Variants in NKAIN3 observed in about 807,000 individuals in gnomAD.
NKAIN3 encodes the protein sodium/potassium transporting ATPase interacting 3, also known as sodium/potassium-transporting ATPase subunit beta-1-interacting protein 3.
A neutral mutation model predicts 30.2 loss-of-function variants in NKAIN3; 25 were observed. That is an observed-to-expected ratio of 0.83 (90% CI 0.60 to 1.16). The LOEUF is 1.16. Among genes scored for constraint, NKAIN3 ranks in the 50% most tolerant of loss-of-function variants. The pLI is 0.00. For missense variants in NKAIN3, 225 were observed against 254.1 expected (o/e 0.89, Z 0.78); for synonymous variants, 91 against 89.6 (o/e 1.02, Z -0.09).
chr8:62,946,285 A>G (rs1823124007), intron 5 of NKAIN3, among the ~76,000 whole-genome samples: 2 of 152,146 alleles, frequency 1.3e-5, no homozygotes, highest in Non-Finnish European at 2.9e-5. Context: ...GGCACTGTCA[A>G]GTCCACTGTG....
At chr8:62,462,091 G>C (rs1806017023) in intron 1 of NKAIN3, among the ~76,000 whole-genome samples, 1 of 152,124 alleles carries the variant, frequency 6.6e-6, no homozygotes, top group African/African-American at 2.4e-5. Context: ...AATAAAGATG[G>C]CTTCTCATGG....
chr8:62,772,463 A>G (rs1269688397), intron 4 of NKAIN3, among the ~76,000 whole-genome samples: 1 of 152,164 alleles, frequency 6.6e-6, no homozygotes, highest in African/African-American at 2.4e-5. Flanking sequence ...AAAAGTGTAT[A>G]AGGATTCCCT....
chr8:62,747,170 C>CT, intron 4 of NKAIN3, 41 bp downstream of exon 4: 1 of 1,355,070 alleles, frequency 7.4e-7, no homozygotes, highest in Non-Finnish European at 1.0e-6. Context: ...CAGAACTCTT[C>CT]TTTGCTGGCA....
At chr8:62,322,017 C>A (rs965314993) in intron 1 of NKAIN3, among the ~76,000 whole-genome samples, 4 of 152,188 alleles carry the variant, frequency 2.6e-5, no homozygotes, top group Non-Finnish European at 1.5e-5. Context: ...CCTACTCAAG[C>A]CTCGGCAATG....
intron 3 of NKAIN3, among the ~76,000 whole-genome samples, chr8:62,686,822 T>C (rs1368212452): frequency 6.6e-6 from 1 of 152,162 alleles, no homozygotes; most frequent in Non-Finnish European, 1.5e-5. Context: ...AAGAACATTA[T>C]AAATATATTA....
chr8:62,456,576 T>G (rs16928951), intron 1 of NKAIN3, among the ~76,000 whole-genome samples: 4,531 of 152,162 alleles, frequency 0.03, 260 homozygotes, highest in African/African-American at 0.1. Flanking sequence ...AGGGCCCTTT[T>G]CCTGATATGT....
intron 1 of NKAIN3, among the ~76,000 whole-genome samples, chr8:62,322,314 C>A (rs922308006): frequency 1.3e-5 from 2 of 152,126 alleles, no homozygotes; most frequent in Non-Finnish European, 2.9e-5. Flanking sequence ...GGCTCACGCT[C>A]GGTGCACTGT....
chr8:62,574,157 C>G (rs1810034130), intron 1 of NKAIN3, among the ~76,000 whole-genome samples: 1 of 152,144 alleles, frequency 6.6e-6, no homozygotes, highest in East Asian at 1.9e-4. Context: ...GCTTATTTCA[C>G]TTAACATAAT....
intron 1 of NKAIN3, among the ~76,000 whole-genome samples, chr8:62,323,826 A>T (rs1815022484): frequency 1.3e-5 from 2 of 152,262 alleles, no homozygotes; most frequent in Non-Finnish European, 2.9e-5. Flanking sequence ...CCTTAAGAGC[A>T]TATTGCTAAA....
At chr8:62,690,304 T>C (rs1813926250) in intron 3 of NKAIN3, among the ~76,000 whole-genome samples, 1 of 152,166 alleles carries the variant, frequency 6.6e-6, no homozygotes, top group African/African-American at 2.4e-5. Flanking sequence ...CCCGTGCCCC[T>C]GGACCAGTCC....
At chr8:62,374,817 A>T (rs918669300) in intron 1 of NKAIN3, among the ~76,000 whole-genome samples, 1 of 152,188 alleles carries the variant, frequency 6.6e-6, no homozygotes, top group South Asian at 2.1e-4. Flanking sequence ...CATATTATCT[A>T]CCTAGTCCAT....
At chr8:62,496,696 A>T (rs537751681) in intron 1 of NKAIN3, among the ~76,000 whole-genome samples, 1 of 152,224 alleles carries the variant, frequency 6.6e-6, no homozygotes, top group Non-Finnish European at 1.5e-5. Flanking sequence ...GTCAGGGAAT[A>T]TGGGAAAGGT....
rs182708736 is a variant in NKAIN3 at position 62,671,731 on chromosome 8, T to C, written c.274-75201T>C. On this transcript the variant is annotated intron_variant, in intron 3 of 6. Coordinates refer to ENST00000623646, the MANE Select transcript of NKAIN3 (RefSeq NM_001304533.3). ...TTGATTCTTGGGACTAAATTATTAC[T>C]GGGGTTCTGTCTCTGCCTCTTTGAA... Among the ~76,000 whole-genome samples, 326 of 152,242 alleles carry C rather than the reference T, an allele frequency of 2.1e-3. 1 individual carries two copies. Among genetic ancestry groups the C allele is most frequent in the Non-Finnish European group, 3.7e-4 (25 of 68,020 alleles).
intron 1 of NKAIN3, among the ~76,000 whole-genome samples, chr8:62,374,136 A>AAG (rs1415790625): frequency 3.3e-5 from 5 of 150,602 alleles, no homozygotes; most frequent in African/African-American, 1.2e-4. Flanking sequence ...AAAAAAAAAA[A>AAG]AGAGAAGACA....
intron 1 of NKAIN3, among the ~76,000 whole-genome samples, chr8:62,475,577 C>T (rs1349171316): frequency 6.6e-6 from 1 of 152,184 alleles, no homozygotes; most frequent in Non-Finnish European, 1.5e-5. Context: ...TAGAATGTTT[C>T]ATCATCCCTA....
At chr8:62,279,694 T>C (rs978421012) in intron 1 of NKAIN3, among the ~76,000 whole-genome samples, 1 of 152,120 alleles carries the variant, frequency 6.6e-6, no homozygotes, top group South Asian at 2.1e-4. Context: ...AGATAAGTGG[T>C]ATTATTTCTG....
At chr8:62,852,196 G>C (rs759030728) in intron 4 of NKAIN3, among the ~76,000 whole-genome samples, 6 of 152,144 alleles carry the variant, frequency 3.9e-5, no homozygotes, top group Non-Finnish European at 7.3e-5. Flanking sequence ...GGGTGTATGT[G>C]TTGAGGAATT....
intron 5 of NKAIN3, among the ~76,000 whole-genome samples, chr8:62,933,846 G>T (rs1411781257): frequency 6.6e-6 from 1 of 152,088 alleles, no homozygotes; most frequent in Non-Finnish European, 1.5e-5. Flanking sequence ...CTCCAAATGA[G>T]CCCAACAATA....
intron 1 of NKAIN3, among the ~76,000 whole-genome samples, chr8:62,426,994 G>T (rs531196786): frequency 6.6e-6 from 1 of 151,968 alleles, no homozygotes. Flanking sequence ...GCTGGGGACT[G>T]TTGTATAAGG....
Sources: allele counts gnomAD v4.1 joint callset (sites outside exome capture counted in the v4.1 genomes callset), GRCh38; gene constraint gnomAD v4.1.1; transcripts MANE v1.5; gene names NCBI Gene and HGNC (gene_info 2026-07-23, HGNC 2026-07-21).